The following CAMK4 variants were observed in gnomAD, a reference collection of about 807,000 sequenced individuals.
CAMK4 encodes calcium/calmodulin dependent protein kinase IV.
CAMK4 carries 22 observed loss-of-function variants against 44.9 expected under a neutral mutation model. The ratio of observed to expected loss-of-function variants is 0.49; its 90% CI spans 0.35 to 0.70. CAMK4 has a LOEUF of 0.70. CAMK4 is among the 30% of genes least tolerant of loss of function. CAMK4 has a pLI of 0.01. For synonymous variants in CAMK4, 218 were observed against 215.4 expected (o/e 1.01, Z -0.11); for missense variants, 498 against 586.8 (o/e 0.85, Z 1.56).
At chr5:111,351,692 G>C (rs142549405) in intron 2 of CAMK4, among the ~76,000 whole-genome samples, 3 of 151,898 alleles carry the variant, frequency 2.0e-5, no homozygotes, top group African/African-American at 2.4e-5. Context: ...GATTATAGGC[G>C]TGAGCCACCA....
At chr5:111,292,475 T>C (rs1239682877) in intron 1 of CAMK4, among the ~76,000 whole-genome samples, 1 of 152,112 alleles carries the variant, frequency 6.6e-6, no homozygotes, top group Admixed American at 6.6e-5. Context: ...TGTATATAAA[T>C]GAGGACACAT....
At chr5:111,232,256 G>T (rs1466095003) in intron 1 of CAMK4, among the ~76,000 whole-genome samples, 2 of 152,052 alleles carry the variant, frequency 1.3e-5, no homozygotes, top group African/African-American at 4.8e-5. Flanking sequence ...TTTAATAAAA[G>T]ATAAATTAAT....
intron 5 of CAMK4, among the ~76,000 whole-genome samples, chr5:111,438,630 G>A (rs1349501999): frequency 6.6e-6 from 1 of 152,126 alleles, no homozygotes; most frequent in Non-Finnish European, 1.5e-5. Flanking sequence ...GAAGGAAAGA[G>A]TAGACAAATG....
intron 1 of CAMK4, among the ~76,000 whole-genome samples, chr5:111,342,595 A>C (rs1322489999): frequency 6.6e-6 from 1 of 151,112 alleles, no homozygotes; most frequent in Non-Finnish European, 1.5e-5. Flanking sequence ...TTTAAGTTTT[A>C]ATTAACAGTT....
In CAMK4 at chr5:111,419,593, T is replaced by G. The variant is rs373234201; in HGVS notation, c.459+24811T>G. 6.3e-4 allele frequency among the ~76,000 whole-genome samples: 96 copies of G among 152,338 alleles called. No homozygotes were observed. In the East Asian group the frequency reaches 0.011, roughly 18 times the overall value. ...TGGTTTTAGGTCTAACATGTAAGTCTTTTATCCATCTTGAATTAATTTTTG... is the reference window on the plus strand; with the variant it reads ...TGGTTTTAGGTCTAACATGTAAGTCGTTTATCCATCTTGAATTAATTTTTG... On this transcript the variant is annotated intron_variant, in intron 5 of 10. Coordinates refer to ENST00000282356, the MANE Select transcript of CAMK4 (RefSeq NM_001744.6).
At chr5:111,344,958 A>T (rs1306038020) in intron 2 of CAMK4, among the ~76,000 whole-genome samples, 1 of 151,898 alleles carries the variant, frequency 6.6e-6, no homozygotes, top group African/African-American at 2.4e-5. Flanking sequence ...TTCAAATTTC[A>T]TGTGAACAAA....
Position 111,426,397 on chromosome 5 carries a change from T to G in CAMK4, c.460-20289T>G, listed in dbSNP as rs1417809743. ...TATATGCATTGCATTATCCAAAAATTACACTGTGAACATAATTTTAAATTA... is the reference window on the plus strand; with the variant it reads ...TATATGCATTGCATTATCCAAAAATGACACTGTGAACATAATTTTAAATTA... On this transcript the variant is annotated intron_variant, in intron 5 of 10. Transcript: ENST00000282356. Among the ~76,000 whole-genome samples, 3 of 152,308 alleles carry G rather than the reference T, an allele frequency of 2.0e-5. No homozygotes were observed. In the East Asian group the frequency reaches 5.8e-4, roughly 29 times the overall value.
chr5:111,489,335 G>C lies in CAMK4; in HGVS notation c.*4869G>C, dbSNP rs1482761396. The C allele has an allele frequency of 6.6e-6, 1 of 152,024 alleles. No homozygotes were observed. The highest frequency in any genetic ancestry group is 1.9e-4 in the East Asian group (1 of 5,190). The allele number at this position is 152,024 out of a possible 1,614,324, so 9.4% of individuals were successfully genotyped here. On this transcript the variant is annotated 3_prime_UTR_variant, in exon 11 of 11. Transcript: ENST00000282356. ...TCAGTATTTCCTCTTTCTATATTTT[G>C]ACCAATATATTAAGAGCAAATTTTG...
At chr5:111,340,645 T>C (rs1174930112) in intron 1 of CAMK4, among the ~76,000 whole-genome samples, 3 of 151,420 alleles carry the variant, frequency 2.0e-5, no homozygotes, top group African/African-American at 7.3e-5. Context: ...TGTATCTGTG[T>C]TCATCAGGGA....
At chr5:111,332,843 A>C (rs2112725539) in intron 1 of CAMK4, among the ~76,000 whole-genome samples, 1 of 151,776 alleles carries the variant, frequency 6.6e-6, no homozygotes, top group Non-Finnish European at 1.5e-5. Context: ...AATTGTGGAA[A>C]AACTTAGAAG....
chr5:111,255,256 T>G (rs1180165527), intron 1 of CAMK4, among the ~76,000 whole-genome samples: 1 of 152,188 alleles, frequency 6.6e-6, no homozygotes, highest in Non-Finnish European at 1.5e-5. Flanking sequence ...CTGCCCATCC[T>G]GTGCCATCAT....
At chr5:111,410,626 G>A (rs1752599719) in intron 5 of CAMK4, among the ~76,000 whole-genome samples, 1 of 152,134 alleles carries the variant, frequency 6.6e-6, no homozygotes, top group Admixed American at 6.5e-5. Context: ...TATTCCCTTA[G>A]GGAATAAAGT....
chr5:111,464,205 C>T (rs2112471847), intron 7 of CAMK4, among the ~76,000 whole-genome samples: 1 of 150,676 alleles, frequency 6.6e-6, no homozygotes, highest in East Asian at 2.0e-4. Flanking sequence ...TGGAAAGTCT[C>T]AGCGATAGAC....
At chr5:111,334,214 A>T (rs1190930632) in intron 1 of CAMK4, among the ~76,000 whole-genome samples, 1 of 151,594 alleles carries the variant, frequency 6.6e-6, no homozygotes, top group Non-Finnish European at 1.5e-5. Flanking sequence ...TCTAACGGCA[A>T]CTTCTAAATT....
intron 5 of CAMK4, among the ~76,000 whole-genome samples, chr5:111,399,417 A>G (rs916372912): frequency 3.3e-5 from 5 of 152,172 alleles, no homozygotes; most frequent in Admixed American, 1.3e-4. Flanking sequence ...ACCATGTGGT[A>G]TGTCTTTTTG....
At chr5:111,457,853 G>A (rs1038783421) in intron 7 of CAMK4, among the ~76,000 whole-genome samples, 10 of 152,262 alleles carry the variant, frequency 6.6e-5, no homozygotes, top group Admixed American at 2.0e-4. Flanking sequence ...AGTAAAGGAC[G>A]ATCTCACCCA....
intron 4 of CAMK4, among the ~76,000 whole-genome samples, chr5:111,383,162 G>A (rs1301759592): frequency 6.6e-6 from 1 of 152,156 alleles, no homozygotes; most frequent in African/African-American, 2.4e-5. Flanking sequence ...AGAGAAGCAG[G>A]AGAGATTTGT....
intron 5 of CAMK4, among the ~76,000 whole-genome samples, chr5:111,404,653 T>G (rs1300003763): frequency 6.6e-6 from 1 of 152,132 alleles, no homozygotes; most frequent in African/African-American, 2.4e-5. Context: ...AGTCTTAAGA[T>G]CTCTATTTTA....
intron 2 of CAMK4, among the ~76,000 whole-genome samples, chr5:111,364,744 G>C (rs13164235): frequency 6.6e-6 from 1 of 151,994 alleles, no homozygotes; most frequent in African/African-American, 2.4e-5. Flanking sequence ...CAATGTCTTA[G>C]AGTCTGCAGG....
Sources: gnomAD v4.1 joint callset for allele counts (sites outside exome capture counted in the v4.1 genomes callset) on GRCh38, gnomAD v4.1.1 for gene constraint, MANE v1.5 for transcripts, NCBI Gene and HGNC (gene_info 2026-07-23, HGNC 2026-07-21) for gene names.